Variants in SNX18 observed in about 807,000 individuals in gnomAD.
SNX18 encodes the protein sorting nexin 18.
A neutral mutation model predicts 48.7 loss-of-function variants in SNX18; 35 were observed. That is an observed-to-expected ratio of 0.72 (90% CI 0.55 to 0.95). The LOEUF is 0.95. Ranked by LOEUF, SNX18 falls within the 40% of genes least tolerant of loss-of-function variation. SNX18 has a pLI of 0.00. For synonymous variants in SNX18, 492 were observed against 384.7 expected, an observed-to-expected ratio of 1.28 and a Z score of -3.26; for missense variants, 824 against 871.0, an observed-to-expected ratio of 0.95 and a Z score of 0.68.
the SNX18 span, among the ~76,000 whole-genome samples, chr5:54,610,639 G>A: frequency 6.6e-6 from 1 of 152,192 alleles, no homozygotes; most frequent in Non-Finnish European, 1.5e-5. Context: ...TATTGCTTTG[G>A]TGTGTTATTT....
chr5:54,637,534 G>A, the SNX18 span, among the ~76,000 whole-genome samples: 2 of 152,108 alleles, frequency 1.3e-5, no homozygotes, highest in Non-Finnish European at 2.9e-5. Context: ...TAGGTTCAGG[G>A]ACAGGGAGTG....
the SNX18 span, among the ~76,000 whole-genome samples, chr5:54,553,451 C>T: frequency 6.6e-6 from 1 of 152,100 alleles, no homozygotes; most frequent in Non-Finnish European, 1.5e-5. Context: ...ACAGGTCCCT[C>T]CTCTGTATTC....
chr5:54,586,676 A>C, the SNX18 span, among the ~76,000 whole-genome samples: 1 of 152,222 alleles, frequency 6.6e-6, no homozygotes, highest in South Asian at 2.1e-4. Context: ...CTTATGGCCT[A>C]ATCACTTCTT....
At position 54,519,106 on chromosome 5, in the gene SNX18, C is replaced by T. The variant is rs139290537; in HGVS notation, c.1154C>T (p.Thr385Ile). ...CACTTCCTGACGTGCCCCAGCAGCA[C>T]CGACGAGAAAGCCTGGAAGCAGGGC... is the stretch of plus-strand genomic sequence containing the variant. ...FQHFLTCPSS[T>I]DEKAWKQGKR... Residue 385 changes from threonine (T) to isoleucine (I), a missense_variant, in exon 1 of 2, where the codon ACC (threonine) becomes ATC (isoleucine). This residue lies in a region of SNX18 where 443 missense variants were observed against 503.6 expected (regional missense o/e 0.88). Coordinates refer to ENST00000381410, the MANE Select transcript of SNX18 (RefSeq NM_001102575.2). 3.0e-5 allele frequency: 48 copies of T among 1,613,994 alleles called. No individual in the cohort carries two copies. Among genetic ancestry groups the T allele is most frequent in the Non-Finnish European group, 3.6e-5 (42 of 1,180,022 alleles).
chr5:54,625,594 G>C, the SNX18 span, among the ~76,000 whole-genome samples: 1 of 152,174 alleles, frequency 6.6e-6, no homozygotes, highest in African/African-American at 2.4e-5. Context: ...ATCTCAGAGG[G>C]TGGCATCCCA....
the SNX18 span, among the ~76,000 whole-genome samples, chr5:54,584,021 G>A: frequency 6.8e-6 from 1 of 146,826 alleles, no homozygotes; most frequent in Non-Finnish European, 1.5e-5. Flanking sequence ...GAGGGAGGCT[G>A]TTTCTGGGTT....
chr5:54,630,371 C>G, the SNX18 span, among the ~76,000 whole-genome samples: 2 of 152,090 alleles, frequency 1.3e-5, no homozygotes, highest in Non-Finnish European at 2.9e-5. Flanking sequence ...GCAGGGGAGG[C>G]AAACAGGCAG....
intron 1 of SNX18, among the ~76,000 whole-genome samples, chr5:54,533,690 T>A (rs1047407287): frequency 6.6e-6 from 1 of 152,160 alleles, no homozygotes; most frequent in African/African-American, 2.4e-5. Context: ...GAGAAGAAAA[T>A]GAGACATGCG....
In SNX18 at chr5:54,518,311, A is replaced by C. The variant is rs1373468574; in HGVS notation, c.359A>C (p.Gln120Pro). The C allele has an allele frequency of 6.5e-7, 1 of 1,533,542 alleles. No individual in the cohort carries two copies. Among genetic ancestry groups the C allele is most frequent in the Non-Finnish European group, 8.7e-7 (1 of 1,143,110 alleles). 95.0% of individuals were successfully genotyped at this position (1,533,542 alleles called of 1,614,324 possible). A position where few individuals can be genotyped will look rare whatever the true frequency, so the allele number is the denominator to read the frequency against. The change falls in exon 1 of 2, where the codon CAG (glutamine) becomes CCG (proline). Residue 120 changes from glutamine (Q) to proline (P), a missense_variant. Physicochemically the swap from Gln to Pro is moderately conservative, Grantham distance 76. Transcript: ENST00000381410. ...CAGGCGCCGCCTCCGAGCACCTTCCAGCCGCCCGGCGCGGGCTTCCCGTAC... is the reference window on the plus strand; with the variant it reads ...CAGGCGCCGCCTCCGAGCACCTTCCCGCCGCCCGGCGCGGGCTTCCCGTAC... ...PQQAPPPSTF[Q>P]PPGAGFPYGG...
chr5:54,573,457 C>T, the SNX18 span, among the ~76,000 whole-genome samples: 2 of 152,210 alleles, frequency 1.3e-5, no homozygotes, highest in Admixed American at 1.3e-4. Flanking sequence ...TCGTGAGCCA[C>T]TGCACCCGGC....
rs745626757 is a variant in SNX18, at chr5:54,543,148, G to A, written c.1622-31G>A. ...GTTCTTGGGATATGTGGATATATAG[G>A]TTTTTAATTAATTGTTATTTTTAAC... On this transcript the variant is annotated intron_variant, in intron 1 of 1. Transcript: ENST00000381410. The A allele has an allele frequency of 2.5e-6, 4 of 1,597,752 alleles. No homozygotes were observed. In the South Asian group the frequency reaches 3.4e-5, roughly 14 times the overall value.
downstream of SNX18, among the ~76,000 whole-genome samples, chr5:54,551,344 G>A (rs970838404): frequency 2.0e-5 from 3 of 152,170 alleles, no homozygotes; most frequent in African/African-American, 7.2e-5. Context: ...ATATGGTACC[G>A]GGTATTCTTT....
chr5:54,643,806 G>A, the SNX18 span: 7 of 152,156 alleles, frequency 4.6e-5, no homozygotes, highest in South Asian at 2.1e-4. Context: ...GTGAGCCACC[G>A]ACTGATACCA....
chr5:54,553,567 A>G, the SNX18 span, among the ~76,000 whole-genome samples: 3 of 152,222 alleles, frequency 2.0e-5, no homozygotes, highest in South Asian at 2.1e-4. Flanking sequence ...AGTGACTCTT[A>G]TTATCTATTA....
At chr5:54,525,681 G>A (rs975445515) in intron 1 of SNX18, among the ~76,000 whole-genome samples, 9 of 152,160 alleles carry the variant, frequency 5.9e-5, no homozygotes, top group African/African-American at 2.2e-4. Context: ...GTGTTCTGGT[G>A]CAGATCACTT....
chr5:54,543,554 T>C lies in SNX18; in HGVS notation c.*122T>C, dbSNP rs955589191. The stretch of plus-strand genomic sequence containing the variant: ...TGGTACAAGGACGGTTTTGTGTTCA[T>C]CTGAAACCCAGCTGAATTTATAATT... On this transcript the variant is annotated 3_prime_UTR_variant, in exon 2 of 2. Transcript: ENST00000381410. 2.6e-6 allele frequency: 3 copies of C among 1,136,736 alleles called. No homozygotes were observed. Among genetic ancestry groups the C allele is most frequent in the Non-Finnish European group, 2.5e-6 (2 of 795,958 alleles). The allele number at this position is 1,136,736 out of a possible 1,614,324, so 70.4% of individuals were successfully genotyped here.
chr5:54,563,048 AAAT>A, the SNX18 span, among the ~76,000 whole-genome samples: 1 of 152,246 alleles, frequency 6.6e-6, no homozygotes, highest in Admixed American at 6.5e-5. Flanking sequence ...TTAAAAAAGA[AAAT>A]AATTTTGGAC....
At chr5:54,559,036 A>G in the SNX18 span, among the ~76,000 whole-genome samples, 1 of 152,190 alleles carries the variant, frequency 6.6e-6, no homozygotes, top group Non-Finnish European at 1.5e-5. Context: ...AAAGAGCTCT[A>G]CAAGGAGAAC....
the SNX18 span, among the ~76,000 whole-genome samples, chr5:54,564,761 G>A: frequency 6.6e-6 from 1 of 152,198 alleles, no homozygotes; most frequent in South Asian, 2.1e-4. Context: ...GGGAGGCTGA[G>A]GCAGGAGAAT....
Sources: gnomAD v4.1 joint callset for allele counts (sites outside exome capture counted in the v4.1 genomes callset) on GRCh38, gnomAD v4.1.1 for gene constraint, gnomAD v4.1.1 regional missense constraint, MANE v1.5 for transcripts, NCBI Gene and HGNC (gene_info 2026-07-23, HGNC 2026-07-21) for gene names.